IGF2BP2: variants seen among roughly 807,000 people sequenced by gnomAD.
IGF2BP2 encodes insulin like growth factor 2 mRNA binding protein 2.
Under a neutral mutation model 75.8 loss-of-function variants are expected in IGF2BP2, and 17 were observed. The ratio of observed to expected loss-of-function variants is 0.22; its 90% CI spans 0.15 to 0.34. IGF2BP2 has a LOEUF of 0.34. Among genes scored for constraint, IGF2BP2 ranks in the 10% least tolerant of loss-of-function variants. The pLI is 1.00. For synonymous variants in IGF2BP2, 288 were observed against 295.6 expected (o/e 0.97, Z 0.26); for missense variants, 516 against 772.4 (o/e 0.67, Z 3.93).
At chr3:185,823,762 G>A (rs1019831363) in intron 1 of IGF2BP2, among the ~76,000 whole-genome samples, 2 of 151,938 alleles carry the variant, frequency 1.3e-5, no homozygotes, top group Admixed American at 1.3e-4. Flanking sequence ...TGGGGAAGGG[G>A]CTCCCGCCGG....
At chr3:185,698,197 G>T in intron 3 of IGF2BP2, 102 bp downstream of exon 3, 1 of 982,750 alleles carries the variant, frequency 1.0e-6, no homozygotes, top group Non-Finnish European at 1.6e-6. Flanking sequence ...GGACCCAGAA[G>T]CTTTGTGGGA....
chr3:185,804,755 G>A (rs1174853243), intron 2 of IGF2BP2, among the ~76,000 whole-genome samples: 7 of 151,814 alleles, frequency 4.6e-5, no homozygotes, highest in Admixed American at 1.3e-4. Context: ...TTTGGGAGGC[G>A]GAGGTGGGCG....
chr3:185,685,831 T>C (rs1721043451), intron 7 of IGF2BP2, among the ~76,000 whole-genome samples: 1 of 152,150 alleles, frequency 6.6e-6, no homozygotes, highest in African/African-American at 2.4e-5. Context: ...TTTGTAGAGA[T>C]GGAGGTCTCA....
intron 2 of IGF2BP2, among the ~76,000 whole-genome samples, chr3:185,718,729 T>C (rs2149455016): frequency 6.9e-6 from 1 of 145,288 alleles, no homozygotes; most frequent in East Asian, 2.0e-4. Context: ...AACTCCCTCC[T>C]GGAACTGGCA....
chr3:185,805,770 C>CTT (rs1254141059), intron 2 of IGF2BP2, among the ~76,000 whole-genome samples: 19 of 136,550 alleles, frequency 1.4e-4, no homozygotes, highest in East Asian at 2.1e-4. Flanking sequence ...TGAAGTAAAT[C>CTT]TTTTTTTTTT....
chr3:185,738,798 C>T (rs1729170798), intron 2 of IGF2BP2, among the ~76,000 whole-genome samples: 1 of 152,252 alleles, frequency 6.6e-6, no homozygotes, highest in Non-Finnish European at 1.5e-5. Flanking sequence ...TTTATAAAAA[C>T]AAGTATTAAA....
chr3:185,796,564 CAAAAAAAA>C (rs60331633), intron 2 of IGF2BP2, among the ~76,000 whole-genome samples: 2 of 71,802 alleles, frequency 2.8e-5, no homozygotes, highest in Admixed American at 1.8e-4. Context: ...CATTCCGTCT[CAAAAAAAA>C]AAAAAAAAAA....
At chr3:185,731,939 G>A (rs997116197) in intron 2 of IGF2BP2, among the ~76,000 whole-genome samples, 8 of 151,918 alleles carry the variant, frequency 5.3e-5, no homozygotes, top group Admixed American at 4.6e-4. Flanking sequence ...CTGAGATCAT[G>A]CCACTGCACT....
intron 2 of IGF2BP2, among the ~76,000 whole-genome samples, chr3:185,751,329 G>T (rs1467964115): frequency 6.6e-6 from 1 of 152,200 alleles, no homozygotes; most frequent in Admixed American, 6.5e-5. Context: ...TGTAATCCCA[G>T]CACTTTGGGA....
intron 2 of IGF2BP2, among the ~76,000 whole-genome samples, chr3:185,781,412 A>G (rs926652395): frequency 6.6e-6 from 1 of 152,210 alleles, no homozygotes; most frequent in African/African-American, 2.4e-5. Context: ...CCATTTCTAA[A>G]GGTAAGTGAC....
chr3:185,730,457 G>A (rs1210551746), intron 2 of IGF2BP2, among the ~76,000 whole-genome samples: 5 of 133,782 alleles, frequency 3.7e-5, no homozygotes, highest in South Asian at 2.4e-4. Flanking sequence ...TTTTTGAGAC[G>A]GAGTTTGACT....
At position 185,728,822 on chromosome 3, in the gene IGF2BP2, G is replaced by C. The variant is rs79079314; in HGVS notation, c.240-30475C>G. On this transcript the variant is annotated intron_variant, in intron 2 of 15. Coordinates refer to ENST00000382199, the MANE Select transcript of IGF2BP2 (RefSeq NM_006548.6). ...CCACTACGCCACGAGTTCTCAAAGC[G>C]TGACCTGCACACCCTTGGAATCCTC... is the stretch of plus-strand genomic sequence containing the variant. 4.7e-4 allele frequency: 71 copies of C among 152,318 alleles called. 1 individual carries two copies. The highest frequency in any genetic ancestry group is 1.6e-3 in the African/African-American group (68 of 41,556). 9.4% of individuals were successfully genotyped at this position (152,318 alleles called of 1,614,324 possible). A position where few individuals can be genotyped will look rare whatever the true frequency, so the allele number is the denominator to read the frequency against.
At chr3:185,783,016 G>A (rs932618651) in intron 2 of IGF2BP2, among the ~76,000 whole-genome samples, 3 of 152,158 alleles carry the variant, frequency 2.0e-5, no homozygotes, top group African/African-American at 7.2e-5. Flanking sequence ...ACAATTAATA[G>A]TTCTAATTAC....
intron 2 of IGF2BP2, among the ~76,000 whole-genome samples, chr3:185,819,795 A>C (rs1741090574): frequency 6.6e-6 from 1 of 152,142 alleles, no homozygotes; most frequent in African/African-American, 2.4e-5. Context: ...GTTTCTAGAA[A>C]ATTAAAAATT....
intron 2 of IGF2BP2, among the ~76,000 whole-genome samples, chr3:185,812,138 T>C (rs1739977945): frequency 6.6e-6 from 1 of 152,132 alleles, no homozygotes; most frequent in Non-Finnish European, 1.5e-5. Flanking sequence ...CAACTGAAAA[T>C]GTTTTGAAGA....
At chr3:185,780,128 T>C (rs189823705) in intron 2 of IGF2BP2, among the ~76,000 whole-genome samples, 1 of 152,256 alleles carries the variant, frequency 6.6e-6, no homozygotes, top group African/African-American at 2.4e-5. Flanking sequence ...ATGACAGTTG[T>C]TTAAAGTAAA....
At chr3:185,646,877 C>T in intron 15 of IGF2BP2, 148 bp downstream of exon 15, 1 of 644,254 alleles carries the variant, frequency 1.6e-6, no homozygotes, top group Non-Finnish European at 2.8e-6. Context: ...CGGGGGCCAT[C>T]CCTAAAGAGC....
intron 2 of IGF2BP2, among the ~76,000 whole-genome samples, chr3:185,751,601 C>G (rs565526917): frequency 1.3e-5 from 2 of 151,328 alleles, no homozygotes; most frequent in South Asian, 4.2e-4. Context: ...GCCAAGATCA[C>G]GCCATCGCAC....
At chr3:185,820,839 G>A (rs1741284851) in intron 2 of IGF2BP2, among the ~76,000 whole-genome samples, 1 of 152,134 alleles carries the variant, frequency 6.6e-6, no homozygotes, top group African/African-American at 2.4e-5. Flanking sequence ...AAGCAATGAG[G>A]ATGAACTATT....
Sources: gnomAD v4.1 joint callset for allele counts (sites outside exome capture counted in the v4.1 genomes callset) on GRCh38, gnomAD v4.1.1 for gene constraint, MANE v1.5 for transcripts, NCBI Gene and HGNC (gene_info 2026-07-23, HGNC 2026-07-21) for gene names.